TM6SF1: variants seen among roughly 807,000 people sequenced by gnomAD.
The protein encoded by TM6SF1 is transmembrane 6 superfamily member 1.
TM6SF1 carries 43 observed loss-of-function variants against 47.1 expected under a neutral mutation model. The ratio of observed to expected loss-of-function variants is 0.91; its 90% CI spans 0.72 to 1.18. The LOEUF (loss-of-function observed/expected upper bound fraction) is 1.18. Among genes scored for constraint, TM6SF1 ranks in the 50% most tolerant of loss-of-function variants. The pLI, the probability that TM6SF1 is intolerant of heterozygous loss-of-function variation, is 0.00. For missense variants in TM6SF1, 390 were observed against 449.0 expected, an observed-to-expected ratio of 0.87 and a Z score of 1.19; for synonymous variants, 177 against 166.3, an observed-to-expected ratio of 1.06 and a Z score of -0.49.
At chr15:83,116,717 C>T (rs1567137316) in intron 3 of TM6SF1, among the ~76,000 whole-genome samples, 1 of 152,132 alleles carries the variant, frequency 6.6e-6, no homozygotes, top group African/African-American at 2.4e-5. Context: ...GGGGCATAAA[C>T]GTGGCTGGAT....
At chr15:83,124,379 T>C (rs1449242065) in intron 6 of TM6SF1, among the ~76,000 whole-genome samples, 3 of 152,090 alleles carry the variant, frequency 2.0e-5, no homozygotes, top group Non-Finnish European at 4.4e-5. Context: ...AGGTTTATGG[T>C]TTACCTTTAA....
intron 2 of TM6SF1, 184 bp downstream of exon 2, chr15:83,113,084 C>G (rs2034339822): frequency 1.7e-6 from 1 of 602,340 alleles, no homozygotes; most frequent in Non-Finnish European, 3.0e-6. Context: ...GCAGTGGACT[C>G]CACCCTCTCC....
chr15:83,108,927 C>A (rs1440742875), intron 1 of TM6SF1, among the ~76,000 whole-genome samples: 1 of 152,174 alleles, frequency 6.6e-6, no homozygotes, highest in African/African-American at 2.4e-5. Context: ...CTGCTCTGGG[C>A]CACCGAATAT....
Position 83,136,634 on chromosome 15 carries a change from T to G in TM6SF1, c.1075T>G (p.Phe359Val). 1 of 1,603,572 alleles carries G rather than the reference T, an allele frequency of 6.2e-7. No homozygotes were observed. Among genetic ancestry groups the G allele is most frequent in the Non-Finnish European group, 8.5e-7 (1 of 1,177,394 alleles). The change falls in exon 10 of 10, where the codon TTC becomes GTC. Residue 359 changes from phenylalanine to valine, a missense_variant. By Grantham distance (50) the Phe-to-Val change is conservative (BLOSUM62 -1). Transcript: ENST00000322019. Reference sequence around the variant, plus strand: ...CTATCGTTGTATCTACAAACCAGAGTTCTTCATAAAAACAAAGGCAGAAGA... The same window carrying G: ...CTATCGTTGTATCTACAAACCAGAGGTCTTCATAAAAACAAAGGCAGAAGA... ...LAYRCIYKPEFFIKTKAEEKV... is the reference protein window; with the variant it reads ...LAYRCIYKPEVFIKTKAEEKV...
At chr15:83,136,283 C>T (rs1267309460) in intron 9 of TM6SF1, 198 bp from the exon 10 acceptor site, 3 of 438,110 alleles carry the variant, frequency 6.8e-6, no homozygotes, top group African/African-American at 2.0e-5. Context: ...CAAGAATGGC[C>T]CTAAATTTAA....
intron 9 of TM6SF1, chr15:83,129,945 G>A (rs2036100647): frequency 6.6e-6 from 1 of 152,352 alleles, no homozygotes; most frequent in East Asian, 1.9e-4. Context: ...ACTCTTGCCA[G>A]CCCTTTCTTT....
At chr15:83,124,492 T>C (rs987369289) in intron 6 of TM6SF1, among the ~76,000 whole-genome samples, 180 bp from the exon 7 acceptor site, 1 of 152,128 alleles carries the variant, frequency 6.6e-6, no homozygotes, top group Non-Finnish European at 1.5e-5. Context: ...ATTTCACAGA[T>C]AAGGAAATTG....
intron 9 of TM6SF1, chr15:83,132,985 A>G (rs1425687818): frequency 1.3e-5 from 2 of 152,228 alleles, no homozygotes; most frequent in Non-Finnish European, 2.9e-5. Flanking sequence ...CAGATCATGA[A>G]TGGGTATTTC....
chr15:83,113,016 G>A, intron 2 of TM6SF1, 116 bp downstream of exon 2: 4 of 859,634 alleles, frequency 4.7e-6, no homozygotes, highest in Middle Eastern at 2.3e-4. Flanking sequence ...AACAGTGGCT[G>A]CAAGTGTAGG....
chr15:83,118,246 CA>C (rs2034877042), intron 3 of TM6SF1, among the ~76,000 whole-genome samples: 1 of 150,634 alleles, frequency 6.6e-6, no homozygotes, highest in African/African-American at 2.4e-5. Context: ...CACACACACA[CA>C]CACACACACA....
chr15:83,127,676 C>A, intron 9 of TM6SF1, 199 bp downstream of exon 9: 1 of 504,978 alleles, frequency 2.0e-6, no homozygotes, highest in Non-Finnish European at 3.5e-6. Flanking sequence ...GTAGATGTGC[C>A]ATCCAGTTAC....
chr15:83,111,721 C>G, intron 1 of TM6SF1: 1 of 981,388 alleles, frequency 1.0e-6, no homozygotes, highest in Non-Finnish European at 1.2e-6. Context: ...AGTATTTTGT[C>G]TAGAATTGGA....
At chr15:83,121,826 TAGTTTGAATACAAAATAATATTG>T (rs2035280432) in intron 4 of TM6SF1, 72 bp from the exon 5 acceptor site, 3 of 877,214 alleles carry the variant, frequency 3.4e-6, no homozygotes, top group Non-Finnish European at 3.7e-6. Context: ...TGTACTTTAC[TAGTTTGAATACAAAATAATATTG>T]AAGATCATTT....
At chr15:83,112,588 G>C in intron 1 of TM6SF1, 2 of 596,514 alleles carry the variant, frequency 3.4e-6, no homozygotes, top group South Asian at 2.0e-5. Flanking sequence ...TGATGGCTTC[G>C]GTCCCTGAAA....
rs185569318 is a variant in TM6SF1 at position 83,113,622 on chromosome 15, C to T, written c.196+722C>T. 3.9e-5 allele frequency: 6 copies of T among 152,580 alleles called. No homozygotes were observed. In the East Asian group the frequency reaches 1.2e-3, roughly 29 times the overall value. 9.5% of individuals were successfully genotyped at this position (152,580 alleles called of 1,614,324 possible). On this transcript the variant is annotated intron_variant, in intron 2 of 9. Transcript: ENST00000322019. ...ATCAAATGCACCCCAAGTCCTACAGCAACAAACATTTATTTTTCTTGCTCA... is the reference window on the plus strand; with the variant it reads ...ATCAAATGCACCCCAAGTCCTACAGTAACAAACATTTATTTTTCTTGCTCA...
intron 6 of TM6SF1, 138 bp downstream of exon 6, chr15:83,123,016 T>C: frequency 1.1e-6 from 1 of 919,658 alleles, no homozygotes; most frequent in Non-Finnish European, 1.6e-6. Flanking sequence ...TTTGATTATG[T>C]AGCATTAGCT....
intron 6 of TM6SF1, among the ~76,000 whole-genome samples, chr15:83,123,178 A>G (rs2035427098): frequency 6.6e-6 from 1 of 152,138 alleles, no homozygotes; most frequent in South Asian, 2.1e-4. Flanking sequence ...TGAAGTCCAT[A>G]GTGTGTGGTT....
At chr15:83,113,095 C>A in intron 2 of TM6SF1, 195 bp downstream of exon 2, 1 of 593,200 alleles carries the variant, frequency 1.7e-6, no homozygotes, top group Non-Finnish European at 3.0e-6. Context: ...CACCCTCTCC[C>A]AGGTGGCATC....
intron 9 of TM6SF1, 85 bp from the exon 10 acceptor site, chr15:83,136,396 G>C (rs1419675438): frequency 3.4e-6 from 4 of 1,190,816 alleles, no homozygotes; most frequent in Non-Finnish European, 3.5e-6. Context: ...CAGAAACGTA[G>C]CCTGAATGAA....
Sources: allele counts gnomAD v4.1 joint callset (sites outside exome capture counted in the v4.1 genomes callset), GRCh38; gene constraint gnomAD v4.1.1; transcripts MANE v1.5; gene names NCBI Gene and HGNC (gene_info 2026-07-23, HGNC 2026-07-21).